TMEM131L: variants seen among roughly 807,000 people sequenced by gnomAD.
TMEM131L encodes the protein transmembrane protein 131-like.
Under a neutral mutation model 192.2 loss-of-function variants are expected in TMEM131L, and 54 were observed. The ratio of observed to expected loss-of-function variants is 0.28; its 90% CI spans 0.23 to 0.35. TMEM131L has a LOEUF of 0.35. TMEM131L is among the 10% of genes least tolerant of loss of function. The pLI is 1.00. For synonymous variants in TMEM131L, 701 were observed against 704.9 expected, an observed-to-expected ratio of 0.99 and a Z score of 0.09; for missense variants, 1,888 against 1,972.9, an observed-to-expected ratio of 0.96 and a Z score of 0.82.
chr4:153,553,715 T>C (rs1188946284), intron 4 of TMEM131L, among the ~76,000 whole-genome samples: 1 of 152,176 alleles, frequency 6.6e-6, no homozygotes, highest in African/African-American at 2.4e-5. Context: ...CGGGATCTTG[T>C]TACTCGGTTG....
intron 3 of TMEM131L, among the ~76,000 whole-genome samples, chr4:153,525,444 A>AT: frequency 6.6e-6 from 1 of 151,914 alleles, no homozygotes; most frequent in Middle Eastern, 3.4e-3. Flanking sequence ...GGTTCAGGCG[A>AT]TTTTCGTGCC....
At chr4:153,519,656 A>G (rs1349368305) in intron 3 of TMEM131L, among the ~76,000 whole-genome samples, 1 of 152,232 alleles carries the variant, frequency 6.6e-6, no homozygotes, top group Non-Finnish European at 1.5e-5. Flanking sequence ...AGAGACATGC[A>G]TTTAGTACAT....
chr4:153,531,870 TTC>T (rs1249914452), intron 3 of TMEM131L, among the ~76,000 whole-genome samples: 5 of 152,228 alleles, frequency 3.3e-5, no homozygotes, highest in Non-Finnish European at 4.4e-5. Context: ...GCACTTGTTC[TTC>T]TCTTATTCTA....
intron 2 of TMEM131L, among the ~76,000 whole-genome samples, chr4:153,467,507 G>A (rs927435284): frequency 1.3e-5 from 2 of 152,258 alleles, no homozygotes; most frequent in African/African-American, 2.4e-5. Flanking sequence ...AGTTCAGAAG[G>A]TGGGAACCCA....
intron 7 of TMEM131L, among the ~76,000 whole-genome samples, chr4:153,561,040 C>G (rs185982109): frequency 6.6e-6 from 1 of 152,324 alleles, no homozygotes; most frequent in South Asian, 2.1e-4. Context: ...TTTGCCAACA[C>G]TTGTCTTCCA....
At chr4:153,629,534 C>T (rs1734072520) in intron 31 of TMEM131L, among the ~76,000 whole-genome samples, 2 of 152,318 alleles carry the variant, frequency 1.3e-5, no homozygotes, top group South Asian at 4.1e-4. Flanking sequence ...CTGCCTTCTT[C>T]AGTGGCTGCT....
chr4:153,539,899 T>C (rs1736641011), intron 3 of TMEM131L, among the ~76,000 whole-genome samples: 1 of 151,190 alleles, frequency 6.6e-6, no homozygotes, highest in Non-Finnish European at 1.5e-5. Context: ...TCCCCTGAGG[T>C]TGAGAGTTCC....
At chr4:153,575,922 A>T (rs1012614937) in intron 7 of TMEM131L, among the ~76,000 whole-genome samples, 24 of 151,908 alleles carry the variant, frequency 1.6e-4, no homozygotes, top group African/African-American at 5.3e-4. Context: ...CATTTTGGTT[A>T]GAGTTTCTTT....
At chr4:153,563,621 C>G (rs1055431046) in intron 7 of TMEM131L, among the ~76,000 whole-genome samples, 1 of 151,886 alleles carries the variant, frequency 6.6e-6, no homozygotes, top group South Asian at 2.1e-4. Context: ...GTGCATGCTA[C>G]CACGCCCAGC....
rs574350903 is a variant in TMEM131L, at chr4:153,536,464, C to T, written c.240-13609C>T. Among the ~76,000 whole-genome samples, 71 of 152,344 alleles carry T rather than the reference C, an allele frequency of 4.7e-4. 1 individual carries two copies. Among genetic ancestry groups the T allele is most frequent in the African/African-American group, 1.7e-3 (71 of 41,574 alleles). On this transcript the variant is annotated intron_variant, in intron 3 of 34. Transcript: ENST00000409959. ...GCTCCTGCTTCAGTTGCTGCAGTGC[C>T]TGCAGTGCAGCCTCTAGCTGTCAGG... is the stretch of plus-strand genomic sequence containing the variant.
At chr4:153,486,082 C>A (rs140372619) in intron 3 of TMEM131L, among the ~76,000 whole-genome samples, 1 of 151,964 alleles carries the variant, frequency 6.6e-6, no homozygotes, top group Admixed American at 6.6e-5. Flanking sequence ...AGACTAAGTC[C>A]GAGATTAACG....
chr4:153,594,348 G>T (rs1179461703), intron 19 of TMEM131L, among the ~76,000 whole-genome samples: 3 of 152,104 alleles, frequency 2.0e-5, no homozygotes, highest in Non-Finnish European at 2.9e-5. Flanking sequence ...TAAGCCTGTG[G>T]GCAGTCATGA....
chr4:153,621,868 C>G lies in TMEM131L; in HGVS notation c.3859+19C>G. On this transcript the variant is annotated intron_variant, in intron 28 of 34. Transcript: ENST00000409959. ...GAGGCAGGTATGTAATGATACTGAGCTACAAATGGTGCTTCTGTGGGAATT... is the reference window on the plus strand; with the variant it reads ...GAGGCAGGTATGTAATGATACTGAGGTACAAATGGTGCTTCTGTGGGAATT... 1.2e-6 allele frequency: 2 copies of G among 1,610,270 alleles called. No individual in the cohort carries two copies. The highest frequency in any genetic ancestry group is 1.7e-6 in the Non-Finnish European group (2 of 1,177,562).
At chr4:153,485,116 C>G (rs1459412834) in intron 3 of TMEM131L, among the ~76,000 whole-genome samples, 1 of 120,226 alleles carries the variant, frequency 8.3e-6, no homozygotes, top group African/African-American at 3.3e-5. Flanking sequence ...GAGACTCTGT[C>G]TCATTAAAAA....
chr4:153,568,682 T>G (rs1292454415), intron 7 of TMEM131L, among the ~76,000 whole-genome samples: 2 of 152,228 alleles, frequency 1.3e-5, no homozygotes, highest in Non-Finnish European at 2.9e-5. Context: ...TAATAAGCTA[T>G]TTATGAAGAT....
chr4:153,548,409 A>G (rs766684935), intron 3 of TMEM131L, among the ~76,000 whole-genome samples: 1 of 152,008 alleles, frequency 6.6e-6, no homozygotes, highest in African/African-American at 2.4e-5. Flanking sequence ...GGTTCATGCT[A>G]TTCTCCTGCC....
intron 7 of TMEM131L, among the ~76,000 whole-genome samples, chr4:153,575,599 T>C (rs554681958): frequency 6.6e-6 from 1 of 152,228 alleles, no homozygotes; most frequent in Non-Finnish European, 1.5e-5. Context: ...ATTTCCCCCA[T>C]CTTCTAAAAG....
chr4:153,493,345 CAAA>C (rs35052272), intron 3 of TMEM131L, among the ~76,000 whole-genome samples: 29,483 of 71,728 alleles, frequency 0.41, 4,096 homozygotes, highest in East Asian at 0.57. Context: ...GACTCTGTCT[CAAA>C]AAAAAAAAAA....
chr4:153,573,937 A>G (rs1032896096), intron 7 of TMEM131L, among the ~76,000 whole-genome samples: 1 of 152,266 alleles, frequency 6.6e-6, no homozygotes, highest in East Asian at 1.9e-4. Context: ...GCAAATCAAT[A>G]TAATCTCCCC....
Sources: gnomAD v4.1 joint callset for allele counts (sites outside exome capture counted in the v4.1 genomes callset) on GRCh38, gnomAD v4.1.1 for gene constraint, MANE v1.5 for transcripts, NCBI Gene and HGNC (gene_info 2026-07-23, HGNC 2026-07-21) for gene names.